The following NPFFR2 variants were observed in gnomAD, a reference collection of about 807,000 sequenced individuals.
NPFFR2 encodes neuropeptide FF receptor 2, also known as G-protein coupled receptor 74.
In NPFFR2, 15 loss-of-function variants were observed where a neutral mutation model predicts 13.1. The observed-to-expected ratio is 1.15, with a 90% CI of 0.77 to 1.76. The LOEUF is 1.76. Among genes scored for constraint, NPFFR2 ranks in the 40% most tolerant of loss-of-function variants. NPFFR2 has a pLI of 0.00. For synonymous variants in NPFFR2, 190 were observed against 175.7 expected (o/e 1.08, Z -0.65); for missense variants, 572 against 503.5 (o/e 1.14, Z -1.30).
At chr4:72,098,499 G>A (rs1463297077) in intron 1 of NPFFR2, among the ~76,000 whole-genome samples, 1 of 151,938 alleles carries the variant, frequency 6.6e-6, no homozygotes, top group Non-Finnish European at 1.5e-5. Context: ...CAGCTCATTA[G>A]CTATCATTAG....
intron 1 of NPFFR2, among the ~76,000 whole-genome samples, chr4:72,059,770 C>T (rs1719867392): frequency 6.6e-6 from 1 of 151,996 alleles, no homozygotes; most frequent in African/African-American, 2.4e-5. Flanking sequence ...AAGAAAAGAG[C>T]ATAGCATGTT....
intron 1 of NPFFR2, among the ~76,000 whole-genome samples, chr4:72,117,860 A>AT (rs1721756120): frequency 6.6e-6 from 1 of 152,222 alleles, no homozygotes; most frequent in Non-Finnish European, 1.5e-5. Context: ...ACATTAATGA[A>AT]TAAAAAAGGA....
chr4:72,033,340 T>C (rs905495712), intron 1 of NPFFR2, among the ~76,000 whole-genome samples: 2 of 152,310 alleles, frequency 1.3e-5, no homozygotes, highest in African/African-American at 4.8e-5. Flanking sequence ...AAAACTTCTA[T>C]AGATCGATCA....
At chr4:72,106,131 G>T (rs1303239681) in intron 1 of NPFFR2, among the ~76,000 whole-genome samples, 1 of 152,024 alleles carries the variant, frequency 6.6e-6, no homozygotes, top group Non-Finnish European at 1.5e-5. Flanking sequence ...TAGGAAAGGG[G>T]ATTAAAGGAG....
At position 72,148,121 on chromosome 4, in the gene NPFFR2, G is replaced by A. The variant is rs149091069; in HGVS notation, c.*309G>A. 5.3e-5 allele frequency: 13 copies of A among 245,248 alleles called. No individual in the cohort carries two copies. In the East Asian group the frequency reaches 6.5e-4, roughly 12 times the overall value. 15.2% of individuals were successfully genotyped at this position (245,248 alleles called of 1,614,324 possible). Reference sequence around the variant, plus strand: ...TGTATGCGTCAAATCAAGCCTGCACGCGTGCGTGCATGTGTGTGTGTATTT... The same window carrying A: ...TGTATGCGTCAAATCAAGCCTGCACACGTGCGTGCATGTGTGTGTGTATTT... On this transcript the variant is annotated 3_prime_UTR_variant, in exon 4 of 4. Coordinates refer to ENST00000308744, the MANE Select transcript of NPFFR2 (RefSeq NM_004885.3).
chr4:72,125,561 C>A (rs1722013747), intron 1 of NPFFR2, among the ~76,000 whole-genome samples: 1 of 152,178 alleles, frequency 6.6e-6, no homozygotes, highest in African/African-American at 2.4e-5. Flanking sequence ...TTCCACTAGG[C>A]TAAAATCAAG....
At chr4:72,115,824 T>A (rs1721698355) in intron 1 of NPFFR2, among the ~76,000 whole-genome samples, 1 of 152,210 alleles carries the variant, frequency 6.6e-6, no homozygotes, top group South Asian at 2.1e-4. Context: ...TCTTCACTAT[T>A]TTCTTTAGAA....
At chr4:72,106,505 G>A (rs1358113617) in intron 1 of NPFFR2, among the ~76,000 whole-genome samples, 1 of 152,010 alleles carries the variant, frequency 6.6e-6, no homozygotes, top group Non-Finnish European at 1.5e-5. Flanking sequence ...ACAGCAATAA[G>A]TTGGTATCTC....
At chr4:72,074,698 A>G (rs539837143) in intron 1 of NPFFR2, among the ~76,000 whole-genome samples, 5 of 152,290 alleles carry the variant, frequency 3.3e-5, no homozygotes, top group African/African-American at 1.2e-4. Context: ...TTTAATGTAA[A>G]TGAATTAAAC....
At chr4:72,047,996 C>T (rs989356789) in intron 1 of NPFFR2, among the ~76,000 whole-genome samples, 2 of 152,072 alleles carry the variant, frequency 1.3e-5, no homozygotes, top group Non-Finnish European at 2.9e-5. Context: ...CTCAATCTCT[C>T]ATTACAGGGA....
At position 72,101,540 on chromosome 4, in the gene NPFFR2, G is replaced by A. The variant is rs544782065; in HGVS notation, c.-7-27045G>A. Among the ~76,000 whole-genome samples the A allele has an allele frequency of 4.2e-4, 64 of 151,466 alleles. No individual in the cohort carries two copies. In the South Asian group the frequency reaches 0.013, roughly 31 times the overall value. On this transcript the variant is annotated intron_variant, in intron 1 of 3. Coordinates refer to ENST00000308744, the MANE Select transcript of NPFFR2 (RefSeq NM_004885.3). ...TACTCAATGACTAATAATAAAATAG[G>A]GGTCATAAAATAAAAGTGATTTAGG...
chr4:72,114,135 G>A (rs1721645881), intron 1 of NPFFR2, among the ~76,000 whole-genome samples: 1 of 152,050 alleles, frequency 6.6e-6, no homozygotes, highest in Non-Finnish European at 1.5e-5. Context: ...GAAATGAATA[G>A]CCAGTCAGCA....
At chr4:72,038,905 C>CATTTTTTTTTTTTTT (rs1719115633) in intron 1 of NPFFR2, among the ~76,000 whole-genome samples, 1 of 84,738 alleles carries the variant, frequency 1.2e-5, no homozygotes, top group African/African-American at 4.7e-5. Flanking sequence ...AATTTCCTTT[C>CATTTTTTTTTTTTTT]TTTTTTTTTT....
intron 3 of NPFFR2, among the ~76,000 whole-genome samples, chr4:72,140,969 CT>C (rs907648646): frequency 1.3e-5 from 2 of 152,070 alleles, no homozygotes; most frequent in Non-Finnish European, 2.9e-5. Flanking sequence ...AGAGATTCAA[CT>C]TCTTGGTTTA....
chr4:72,127,196 C>T lies in NPFFR2; in HGVS notation c.-7-1389C>T, dbSNP rs368543016. ...GCGGGTGCCTGTAGTCCCAGCTACT[C>T]GGGAGGGTGAGGCGGGAGAATGGCG... On this transcript the variant is annotated intron_variant, in intron 1 of 3. Coordinates refer to ENST00000308744, the MANE Select transcript of NPFFR2 (RefSeq NM_004885.3). Among the ~76,000 whole-genome samples the T allele has an allele frequency of 2.4e-4, 33 of 137,130 alleles. 1 individual carries two copies. The highest frequency in any genetic ancestry group is 2.0e-3 in the East Asian group (8 of 4,012). The allele number at this position is 137,130 out of a possible 152,430, so 90.0% of individuals were successfully genotyped here.
chr4:72,127,296 T>G, intron 1 of NPFFR2, among the ~76,000 whole-genome samples: 1 of 38,582 alleles, frequency 2.6e-5, no homozygotes, highest in Non-Finnish European at 4.1e-5. Flanking sequence ...AGAGCTAGAC[T>G]CCATCTCAAA....
At chr4:72,093,876 G>A (rs1720979481) in intron 1 of NPFFR2, among the ~76,000 whole-genome samples, 1 of 150,920 alleles carries the variant, frequency 6.6e-6, no homozygotes, top group Admixed American at 6.6e-5. Context: ...TCCATTGCTG[G>A]TAAGCTAGTA....
At chr4:72,083,024 A>C (rs113809921) in intron 1 of NPFFR2, among the ~76,000 whole-genome samples, 12 of 152,292 alleles carry the variant, frequency 7.9e-5, no homozygotes, top group African/African-American at 2.9e-4. Context: ...ATAGTATTCC[A>C]CTGTTTGTAT....
rs1721162580 is a variant in NPFFR2 at position 72,099,317 on chromosome 4, G to C, written c.-7-29268G>C. On this transcript the variant is annotated intron_variant, in intron 1 of 3. Transcript: ENST00000308744. ...AAAATTGATTCAATTAAGAGATAAA[G>C]AATGAAGTTTACCATTATTTTACCT... Among the ~76,000 whole-genome samples, 3 of 152,098 alleles carry C rather than the reference G, an allele frequency of 2.0e-5. No individual in the cohort carries two copies. The South Asian group carries it at 6.2e-4, about 31-fold the overall frequency.
Sources: allele counts gnomAD v4.1 joint callset (sites outside exome capture counted in the v4.1 genomes callset), GRCh38; gene constraint gnomAD v4.1.1; transcripts MANE v1.5; gene names NCBI Gene and HGNC (gene_info 2026-07-23, HGNC 2026-07-21).